CWC27: variants seen among roughly 807,000 people sequenced by gnomAD.
CWC27 encodes spliceosome-associated protein CWC27 homolog.
A neutral mutation model predicts 63.6 loss-of-function variants in CWC27; 47 were observed. The ratio of observed to expected loss-of-function variants is 0.74; its 90% CI spans 0.58 to 0.94. The LOEUF is 0.94. Among genes scored for constraint, CWC27 ranks in the 40% least tolerant of loss-of-function variants. The pLI, the probability that CWC27 is intolerant of heterozygous loss-of-function variation, is 0.00. For synonymous variants in CWC27, 175 were observed against 179.8 expected, an observed-to-expected ratio of 0.97 and a Z score of 0.22; for missense variants, 495 against 554.3, an observed-to-expected ratio of 0.89 and a Z score of 1.07.
Position 64,820,349 on chromosome 5 carries a change from A to G in CWC27, c.938+15963A>G, listed in dbSNP as rs536822804. On this transcript the variant is annotated intron_variant, in intron 10 of 13. Transcript: ENST00000381070. ...TGGCCTTAGTATATTGTGCTATTGT[A>G]CAACAGTCTTTATCTGCTTCACATC... Among the ~76,000 whole-genome samples, 20 of 152,312 alleles carry G rather than the reference A, an allele frequency of 1.3e-4. No homozygotes were observed. In the South Asian group the frequency reaches 3.5e-3, roughly 27 times the overall value.
rs537395290 is a variant in CWC27 at position 64,813,797 on chromosome 5, A to G, written c.938+9411A>G. ...TGAATTCCCTGTAAATTAAATTGGAAAGTATAGTTTGGGAAGAGAAGGGCC... is the reference window on the plus strand; with the variant it reads ...TGAATTCCCTGTAAATTAAATTGGAGAGTATAGTTTGGGAAGAGAAGGGCC... On this transcript the variant is annotated intron_variant, in intron 10 of 13. Transcript: ENST00000381070. Among the ~76,000 whole-genome samples the G allele has an allele frequency of 1.3e-4, 20 of 152,316 alleles. 1 individual carries two copies. In the East Asian group the frequency reaches 3.9e-3, roughly 29 times the overall value.
Position 64,769,135 on chromosome 5 carries a change from G to C in CWC27, c.-12G>C. 1 of 1,613,892 alleles carries C rather than the reference G, an allele frequency of 6.2e-7. No homozygotes were observed. The highest frequency in any genetic ancestry group is 1.7e-4 in the Middle Eastern group (1 of 6,012). ...TCCCCCGTAAGGAGCAGAGTCCTTT[G>C]TACTGACCAAGATGAGCAACATCTA... On this transcript the variant is annotated 5_prime_UTR_variant, in exon 1 of 14. Transcript: ENST00000381070.
chr5:64,823,965 A>G, intron 10 of CWC27, among the ~76,000 whole-genome samples: 1 of 152,216 alleles, frequency 6.6e-6, no homozygotes, highest in East Asian at 1.9e-4. Context: ...CATCCTGTTT[A>G]TAATAAAAAC....
rs5868394 is a variant in CWC27, at chr5:64,960,922, G to GTT, written c.1043-10770_1043-10769dup. On this transcript the variant is annotated intron_variant, in intron 11 of 13. Transcript: ENST00000381070. The stretch of plus-strand genomic sequence containing the variant: ...ACCACTACACCCAGCTCAATACACT[G>GTT]TTTTTTTTTTTTAAATGAATGAATT... Among the ~76,000 whole-genome samples the GTT allele has an allele frequency of 5.2e-3, 771 of 147,472 alleles. 15 individuals carry two copies. The highest frequency in any genetic ancestry group is 0.032 in the Admixed American group (464 of 14,722).
At chr5:64,919,621 T>TG (rs1442868700) in intron 11 of CWC27, among the ~76,000 whole-genome samples, 1 of 152,206 alleles carries the variant, frequency 6.6e-6, no homozygotes, top group Non-Finnish European at 1.5e-5. Context: ...GGTTTTCTGT[T>TG]GCTGTGTTAG....
chr5:64,913,608 C>T (rs193209627), intron 11 of CWC27, among the ~76,000 whole-genome samples: 2 of 151,990 alleles, frequency 1.3e-5, no homozygotes, highest in African/African-American at 4.8e-5. Context: ...GAAATTCTAT[C>T]TACAGTACCA....
intron 10 of CWC27, among the ~76,000 whole-genome samples, chr5:64,845,137 G>A (rs1158327927): frequency 6.6e-6 from 1 of 152,188 alleles, no homozygotes; most frequent in African/African-American, 2.4e-5. Flanking sequence ...AACATCAGAG[G>A]AAAGGCATCT....
chr5:65,005,682 T>A (rs538845960), intron 13 of CWC27, among the ~76,000 whole-genome samples: 1 of 152,292 alleles, frequency 6.6e-6, no homozygotes, highest in East Asian at 1.9e-4. Flanking sequence ...GTGGGTGAAG[T>A]AAACCTCTCT....
chr5:65,018,123 G>A, intron 13 of CWC27, 36 bp from the exon 14 acceptor site: 1 of 1,532,200 alleles, frequency 6.5e-7, no homozygotes, highest in Non-Finnish European at 8.8e-7. Flanking sequence ...AAGTTCCCAT[G>A]CAAGAAATCA....
At chr5:64,799,961 T>C (rs1361359132) in intron 7 of CWC27, among the ~76,000 whole-genome samples, 1 of 152,132 alleles carries the variant, frequency 6.6e-6, no homozygotes, top group Admixed American at 6.6e-5. Flanking sequence ...AGTTTCATAG[T>C]ATGCAAATTA....
At chr5:64,831,474 T>TGAGA (rs1745515630) in intron 10 of CWC27, among the ~76,000 whole-genome samples, 1 of 91,472 alleles carries the variant, frequency 1.1e-5, no homozygotes, top group Non-Finnish European at 2.4e-5. Context: ...TTTATTTATT[T>TGAGA]GAGATAGATA....
chr5:64,784,056 G>T lies in CWC27; in HGVS notation c.396+77G>T, dbSNP rs1743796883. 1.2e-5 allele frequency: 15 copies of T among 1,246,418 alleles called. No homozygotes were observed. In the Middle Eastern group the frequency reaches 5.9e-4, roughly 49 times the overall value. 77.2% of individuals were successfully genotyped at this position (1,246,418 alleles called of 1,614,324 possible). ...TTCCTTAGACTTCTAAGATACATAT[G>T]ATTAACTTATCTAAGAGCTACCTTT... On this transcript the variant is annotated intron_variant, in intron 4 of 13. Transcript: ENST00000381070.
At chr5:64,827,139 C>G (rs1309798647) in intron 10 of CWC27, among the ~76,000 whole-genome samples, 1 of 152,122 alleles carries the variant, frequency 6.6e-6, no homozygotes, top group East Asian at 1.9e-4. Flanking sequence ...CTCTAAATAA[C>G]ATACTTGATA....
At chr5:64,807,960 A>G (rs1399965091) in intron 10 of CWC27, 1 of 1,421,324 alleles carries the variant, frequency 7.0e-7, no homozygotes, top group South Asian at 1.6e-5. Context: ...CACTGAAACT[A>G]CTTCCACTAA....
At chr5:64,857,456 C>T (rs1746282239) in intron 10 of CWC27, among the ~76,000 whole-genome samples, 1 of 152,172 alleles carries the variant, frequency 6.6e-6, no homozygotes, top group South Asian at 2.1e-4. Flanking sequence ...TTTTGGTAAC[C>T]TGGAGGGCAT....
chr5:64,854,584 T>G (rs1746208128), intron 10 of CWC27, among the ~76,000 whole-genome samples: 1 of 152,270 alleles, frequency 6.6e-6, no homozygotes. Context: ...TGAGATGGAC[T>G]GAAACTTTTG....
At chr5:64,775,229 G>A (rs566327749) in intron 2 of CWC27, among the ~76,000 whole-genome samples, 2 of 152,254 alleles carry the variant, frequency 1.3e-5, no homozygotes, top group Admixed American at 1.3e-4. Context: ...TTCAACTGGA[G>A]CCTTCCACTG....
At chr5:64,793,392 C>T (rs1480147452) in intron 7 of CWC27, among the ~76,000 whole-genome samples, 1 of 152,192 alleles carries the variant, frequency 6.6e-6, no homozygotes, top group East Asian at 1.9e-4. Context: ...AAGAACAATA[C>T]TGTTGAAATT....
chr5:64,962,879 G>A (rs79114728), intron 11 of CWC27, among the ~76,000 whole-genome samples: 9,998 of 152,208 alleles, frequency 0.066, 830 homozygotes, highest in African/African-American at 0.19. Flanking sequence ...GACCACCCTA[G>A]AGAGAGGGTC....
Sources: allele counts gnomAD v4.1 joint callset (sites outside exome capture counted in the v4.1 genomes callset), GRCh38; gene constraint gnomAD v4.1.1; transcripts MANE v1.5; gene names NCBI Gene and HGNC (gene_info 2026-07-23, HGNC 2026-07-21).